The following TAF3 variants were observed in gnomAD, a reference collection of about 807,000 sequenced individuals.
The protein encoded by TAF3 is transcription initiation factor TFIID subunit 3.
A neutral mutation model predicts 80.6 loss-of-function variants in TAF3; 7 were observed. That is an observed-to-expected ratio of 0.09 (90% CI 0.05 to 0.16). The LOEUF (loss-of-function observed/expected upper bound fraction) is 0.16. Ranked by LOEUF, TAF3 falls within the 10% of genes least tolerant of loss-of-function variation. The pLI is 1.00. For missense variants in TAF3, 921 were observed against 1,140.2 expected, an observed-to-expected ratio of 0.81 and a Z score of 2.77; for synonymous variants, 444 against 446.1, an observed-to-expected ratio of 1.00 and a Z score of 0.06.
At position 8,013,714 on chromosome 10, in the gene TAF3, C is replaced by T. The variant is rs769327523; in HGVS notation, c.2569-17C>T. Reference sequence around the variant, plus strand: ...CCATTCCCTCCATTTTTGCCGCTTCCGCTTTGCAAACATCAGATCCGAGAT... The same window carrying T: ...CCATTCCCTCCATTTTTGCCGCTTCTGCTTTGCAAACATCAGATCCGAGAT... On this transcript the variant is annotated splice_polypyrimidine_tract_variant and intron_variant, in intron 5 of 6. Coordinates refer to ENST00000344293, the MANE Select transcript of TAF3 (RefSeq NM_031923.4). 35 of 1,608,744 alleles carry T rather than the reference C, an allele frequency of 2.2e-5. No homozygotes were observed. The highest frequency in any genetic ancestry group is 2.7e-5 in the African/African-American group (2 of 74,654).
At chr10:7,920,186 G>A (rs768284276) in intron 2 of TAF3, among the ~76,000 whole-genome samples, 1 of 152,136 alleles carries the variant, frequency 6.6e-6, no homozygotes, top group South Asian at 2.1e-4. Flanking sequence ...GCAGGTGATC[G>A]AGGCTGCAAG....
intron 2 of TAF3, among the ~76,000 whole-genome samples, chr10:7,963,573 C>T (rs111375243): frequency 2.0e-5 from 3 of 151,978 alleles, no homozygotes; most frequent in Non-Finnish European, 4.4e-5. Flanking sequence ...GTTTGAACGC[C>T]GCATGTTCTC....
rs61833256 is a variant in TAF3 at position 7,946,169 on chromosome 10, C to A, written c.410-17751C>A. Reference sequence around the variant, plus strand: ...CAAACTATTTTAAAACTACCGGTGACTTCCTATACCCTTCAAATAAAATTC... The same window carrying A: ...CAAACTATTTTAAAACTACCGGTGAATTCCTATACCCTTCAAATAAAATTC... On this transcript the variant is annotated intron_variant, in intron 2 of 6. Transcript: ENST00000344293. Among the ~76,000 whole-genome samples the A allele has an allele frequency of 6.7e-3, 1,019 of 152,072 alleles. 5 individuals are homozygous for A. The highest frequency in any genetic ancestry group is 0.01 in the Non-Finnish European group (692 of 67,960).
At chr10:8,008,474 A>G (rs759684513) in intron 4 of TAF3, among the ~76,000 whole-genome samples, 2 of 152,236 alleles carry the variant, frequency 1.3e-5, no homozygotes, top group African/African-American at 4.8e-5. Flanking sequence ...TTTATTGACA[A>G]TGGCATTGAG....
intron 2 of TAF3, among the ~76,000 whole-genome samples, chr10:7,949,027 C>G (rs533269685): frequency 1.3e-5 from 2 of 152,214 alleles, no homozygotes; most frequent in East Asian, 1.9e-4. Context: ...CGGCTGCTGC[C>G]GCCGCTGCTG....
At chr10:7,885,427 A>C (rs1382071179) in intron 2 of TAF3, among the ~76,000 whole-genome samples, 1 of 152,080 alleles carries the variant, frequency 6.6e-6, no homozygotes, top group East Asian at 1.9e-4. Flanking sequence ...GTAAAATATT[A>C]ATATGGCTCC....
chr10:7,911,350 A>G (rs1370061699), intron 2 of TAF3, among the ~76,000 whole-genome samples: 1 of 152,274 alleles, frequency 6.6e-6, no homozygotes, highest in East Asian at 1.9e-4. Context: ...GAGTTTTAAG[A>G]GAAAATACTT....
At chr10:7,897,069 A>C (rs1027094895) in intron 2 of TAF3, among the ~76,000 whole-genome samples, 1 of 152,186 alleles carries the variant, frequency 6.6e-6, no homozygotes, top group Non-Finnish European at 1.5e-5. Flanking sequence ...TCAAATCCTC[A>C]TGCTTTGAAT....
chr10:7,953,446 C>G (rs1238892533), intron 2 of TAF3, among the ~76,000 whole-genome samples: 2 of 152,138 alleles, frequency 1.3e-5, no homozygotes, highest in Non-Finnish European at 2.9e-5. Context: ...ATCTTCATCT[C>G]TTGGAGGAGG....
chr10:7,863,502 C>T (rs1837168722), intron 2 of TAF3, among the ~76,000 whole-genome samples: 1 of 149,088 alleles, frequency 6.7e-6, no homozygotes, highest in East Asian at 2.0e-4. Flanking sequence ...CCCAGCTACT[C>T]AGGAGGCTAA....
chr10:7,863,694 T>TATATATATACACACATATATATATACAC (rs1837176835), intron 2 of TAF3, among the ~76,000 whole-genome samples: 1 of 34,614 alleles, frequency 2.9e-5, no homozygotes, highest in African/African-American at 1.1e-4. Flanking sequence ...TACACACACA[T>TATATATATACACACATATATATATACAC]ATATATATAT....
chr10:7,917,522 C>G lies in TAF3; in HGVS notation c.410-46398C>G, dbSNP rs186191341. ...CCAGTTCCTATGGGGCCTTATAGGC[C>G]ATGATATGGAATGGACTTGGGATTT... On this transcript the variant is annotated intron_variant, in intron 2 of 6. Coordinates refer to ENST00000344293, the MANE Select transcript of TAF3 (RefSeq NM_031923.4). Among the ~76,000 whole-genome samples the G allele has an allele frequency of 3.8e-3, 578 of 152,316 alleles. 7 individuals are homozygous for G. The highest frequency in any genetic ancestry group is 0.013 in the African/African-American group (556 of 41,556).
chr10:7,946,306 A>G (rs557451821), intron 2 of TAF3, among the ~76,000 whole-genome samples: 2 of 152,274 alleles, frequency 1.3e-5, no homozygotes, highest in South Asian at 2.1e-4. Flanking sequence ...GTTACGCAGT[A>G]TGGCTGTCCA....
At chr10:7,888,557 A>G (rs1331587295) in intron 2 of TAF3, among the ~76,000 whole-genome samples, 1 of 152,022 alleles carries the variant, frequency 6.6e-6, no homozygotes, top group Admixed American at 6.6e-5. Flanking sequence ...GGGCTCATTC[A>G]CTCATTGGTT....
At chr10:7,864,185 A>G (rs1182627584) in intron 2 of TAF3, among the ~76,000 whole-genome samples, 2 of 152,192 alleles carry the variant, frequency 1.3e-5, no homozygotes, top group South Asian at 2.1e-4. Context: ...CCATTATAAC[A>G]TCATACAGAG....
chr10:8,015,884 A>G lies in TAF3; in HGVS notation c.*1133A>G, dbSNP rs1009529467. On this transcript the variant is annotated 3_prime_UTR_variant, in exon 7 of 7. Coordinates refer to ENST00000344293, the MANE Select transcript of TAF3 (RefSeq NM_031923.4). ...AAAAAAAAAACAACAAAAAACCCAC[A>G]TATACTGTAGCATTTTGTCTTTATA... 7.9e-5 allele frequency: 12 copies of G among 151,736 alleles called. No individual in the cohort carries two copies. The highest frequency in any genetic ancestry group is 1.7e-4 in the African/African-American group (7 of 41,374). 9.4% of individuals were successfully genotyped at this position (151,736 alleles called of 1,614,324 possible). A position where few individuals can be genotyped will look rare whatever the true frequency, so the allele number is the denominator to read the frequency against.
chr10:8,003,791 A>G (rs1055730670), intron 4 of TAF3, among the ~76,000 whole-genome samples: 18 of 152,186 alleles, frequency 1.2e-4, no homozygotes, highest in Admixed American at 1.1e-3. Flanking sequence ...TGCGCCTGTA[A>G]TCCCAGCTAT....
intron 4 of TAF3, among the ~76,000 whole-genome samples, chr10:7,996,616 C>G (rs78867053): frequency 6.8e-6 from 1 of 147,248 alleles, no homozygotes; most frequent in Non-Finnish European, 1.5e-5. Flanking sequence ...ATTTCAATGT[C>G]TTTTTTTTTT....
intron 2 of TAF3, among the ~76,000 whole-genome samples, chr10:7,908,845 C>T (rs1837629919): frequency 6.6e-6 from 1 of 152,264 alleles, no homozygotes; most frequent in Non-Finnish European, 1.5e-5. Flanking sequence ...CTCACTGCAT[C>T]AGAAGCCTTT....
Sources: gnomAD v4.1 joint callset for allele counts (sites outside exome capture counted in the v4.1 genomes callset) on GRCh38, gnomAD v4.1.1 for gene constraint, MANE v1.5 for transcripts, NCBI Gene and HGNC (gene_info 2026-07-23, HGNC 2026-07-21) for gene names.